The following COX7B2 variants were observed in gnomAD, a reference collection of about 807,000 sequenced individuals.
COX7B2 encodes cytochrome c oxidase subunit 7B2.
For missense variants in COX7B2, 109 were observed against 95.9 expected (o/e 1.14, Z -0.57); for synonymous variants, 37 against 32.1 (o/e 1.15, Z -0.51).
At chr4:46,800,649 C>A (rs1718609260) in intron 2 of COX7B2, among the ~76,000 whole-genome samples, 2 of 152,126 alleles carry the variant, frequency 1.3e-5, no homozygotes, top group South Asian at 4.2e-4. Context: ...ACTATAAAAT[C>A]CCTTGAAGAA....
chr4:46,822,364 G>T (rs1577610705), intron 2 of COX7B2, among the ~76,000 whole-genome samples: 1 of 150,326 alleles, frequency 6.7e-6, no homozygotes. Flanking sequence ...TAAACTAGGA[G>T]AAAAACTTGA....
chr4:46,831,222 C>A (rs1050039650), intron 2 of COX7B2, among the ~76,000 whole-genome samples: 1 of 152,148 alleles, frequency 6.6e-6, no homozygotes, highest in Non-Finnish European at 1.5e-5. Context: ...CCCAGCAGTG[C>A]CGGCCCACCA....
chr4:46,753,434 A>G (rs1252603145), intron 2 of COX7B2, among the ~76,000 whole-genome samples: 1 of 152,036 alleles, frequency 6.6e-6, no homozygotes, highest in African/African-American at 2.4e-5. Context: ...CTGATCTTTG[A>G]CAAACCTGAC....
intron 2 of COX7B2, among the ~76,000 whole-genome samples, chr4:46,769,251 CA>C (rs1716731378): frequency 1.3e-5 from 2 of 152,178 alleles, no homozygotes. Context: ...ATACCAAAGC[CA>C]GACAAGGACA....
intron 2 of COX7B2, among the ~76,000 whole-genome samples, chr4:46,762,347 A>G (rs1716226027): frequency 7.3e-6 from 1 of 136,324 alleles, no homozygotes; most frequent in Admixed American, 8.2e-5. Context: ...ATATATATTT[A>G]TATATACTAT....
At chr4:46,848,631 G>C (rs1716453211) in intron 1 of COX7B2, among the ~76,000 whole-genome samples, 1 of 151,916 alleles carries the variant, frequency 6.6e-6, no homozygotes, top group African/African-American at 2.4e-5. Flanking sequence ...CACTTACTTA[G>C]TTACACAAAG....
At chr4:46,900,704 T>A (rs2109894436) in intron 1 of COX7B2, among the ~76,000 whole-genome samples, 1 of 152,312 alleles carries the variant, frequency 6.6e-6, no homozygotes, top group South Asian at 2.1e-4. Flanking sequence ...ATCAAATTAG[T>A]GCTCTTATAA....
At chr4:46,752,023 CATG>C (rs1285326836) in intron 2 of COX7B2, among the ~76,000 whole-genome samples, 1 of 152,118 alleles carries the variant, frequency 6.6e-6, no homozygotes, top group African/African-American at 2.4e-5. Flanking sequence ...TGGCTATTTT[CATG>C]ATATTGATTC....
chr4:46,883,530 GT>G (rs1235664823), intron 1 of COX7B2, among the ~76,000 whole-genome samples: 1 of 152,082 alleles, frequency 6.6e-6, no homozygotes, highest in Non-Finnish European at 1.5e-5. Context: ...AAGCTCAGGA[GT>G]TTGAGACCAG....
chr4:46,758,162 A>G (rs1715910038), intron 2 of COX7B2, among the ~76,000 whole-genome samples: 1 of 152,078 alleles, frequency 6.6e-6, no homozygotes, highest in South Asian at 2.1e-4. Context: ...TATAAGAATT[A>G]TAACATTGTT....
chr4:46,737,491 C>T (rs1284398188), intron 2 of COX7B2, among the ~76,000 whole-genome samples: 1 of 152,002 alleles, frequency 6.6e-6, no homozygotes, highest in African/African-American at 2.4e-5. Flanking sequence ...GTAGCTGACA[C>T]AAAAGCATAA....
chr4:46,798,653 A>C (rs1718484953), intron 2 of COX7B2, among the ~76,000 whole-genome samples: 1 of 152,142 alleles, frequency 6.6e-6, no homozygotes, highest in African/African-American at 2.4e-5. Flanking sequence ...GTAGAGTCTG[A>C]ATGTTTAACC....
At chr4:46,778,900 C>T (rs940112007) in intron 2 of COX7B2, among the ~76,000 whole-genome samples, 6 of 152,096 alleles carry the variant, frequency 3.9e-5, no homozygotes, top group Non-Finnish European at 7.4e-5. Flanking sequence ...CAAATATGTG[C>T]TCCGATTCAA....
intron 2 of COX7B2, among the ~76,000 whole-genome samples, chr4:46,766,512 T>C (rs1355101917): frequency 1.3e-5 from 2 of 151,830 alleles, no homozygotes; most frequent in Non-Finnish European, 2.9e-5. Context: ...CCAGCCTGGC[T>C]AACATGGTGA....
At chr4:46,763,059 A>G (rs1336948844) in intron 2 of COX7B2, among the ~76,000 whole-genome samples, 3 of 134,230 alleles carry the variant, frequency 2.2e-5, no homozygotes, top group Non-Finnish European at 4.6e-5. Context: ...ATAATATGTA[A>G]TATATATTAT....
chr4:46,757,274 T>A (rs923626554), intron 2 of COX7B2, among the ~76,000 whole-genome samples: 1 of 121,448 alleles, frequency 8.2e-6, no homozygotes, highest in Non-Finnish European at 1.6e-5. Context: ...CACATGCATA[T>A]ACAGAGTGGA....
At chr4:46,894,771 G>A (rs796377223) in intron 1 of COX7B2, among the ~76,000 whole-genome samples, 15 of 152,006 alleles carry the variant, frequency 9.9e-5, no homozygotes, top group African/African-American at 3.6e-4. Flanking sequence ...GCATCTATAA[G>A]GAACTTAAAC....
chr4:46,900,162 C>T (rs116746318), intron 1 of COX7B2, among the ~76,000 whole-genome samples: 82 of 152,166 alleles, frequency 5.4e-4, no homozygotes, highest in African/African-American at 1.9e-3. Flanking sequence ...CCTAGTTACT[C>T]GGTGAAAGCA....
chr4:46,833,440 A>G (rs914228751), intron 2 of COX7B2, among the ~76,000 whole-genome samples: 1 of 152,216 alleles, frequency 6.6e-6, no homozygotes, highest in African/African-American at 2.4e-5. Context: ...CCTATGCAGA[A>G]CTCATAGGAA....
Sources: gnomAD v4.1 joint callset for allele counts (sites outside exome capture counted in the v4.1 genomes callset) on GRCh38, gnomAD v4.1.1 for gene constraint, MANE v1.5 for transcripts, NCBI Gene and HGNC (gene_info 2026-07-23, HGNC 2026-07-21) for gene names.